Variants in MAST1 observed in about 807,000 individuals in gnomAD.
MAST1 encodes the protein microtubule associated serine/threonine kinase 1.
Under a neutral mutation model 124.6 loss-of-function variants are expected in MAST1, and 40 were observed. The ratio of observed to expected loss-of-function variants is 0.32; its 90% CI spans 0.25 to 0.42. The LOEUF (loss-of-function observed/expected upper bound fraction) is 0.42, where lower values mean the gene tolerates loss of function less well. Ranked by LOEUF, MAST1 falls within the 10% of genes least tolerant of loss-of-function variation. The pLI, the probability that MAST1 is intolerant of heterozygous loss-of-function variation, is 1.00. For synonymous variants in MAST1, 938 were observed against 939.4 expected (o/e 1.00, Z 0.03); for missense variants, 1,558 against 2,181.9 (o/e 0.71, Z 5.70).
chr19:12,871,092 T>C lies in MAST1; in HGVS notation c.3183T>C (p.Ile1061=), dbSNP rs1239158820. 1 of 1,613,984 alleles carries C rather than the reference T, an allele frequency of 6.2e-7. No individual in the cohort carries two copies. Among genetic ancestry groups the C allele is most frequent in the African/African-American group, 1.3e-5 (1 of 74,910 alleles). The change falls in exon 24 of 26, where the codon ATT becomes ATC. Residue 1061 remains isoleucine, a synonymous_variant. Coordinates refer to ENST00000251472, the MANE Select transcript of MAST1 (RefSeq NM_014975.3). Reference sequence around the variant, plus strand: ...CCTTCGAAAATACCTCTATCCGCATTGGTCCCGCAAGGCGCAGCAGCTACA... The same window carrying C: ...CCTTCGAAAATACCTCTATCCGCATCGGTCCCGCAAGGCGCAGCAGCTACA... ...TTPFENTSIR[I]GPARRSSYKA...
In MAST1 at chr19:12,868,793, G is replaced by A. The variant is rs1431982580; in HGVS notation, c.2717G>A (p.Gly906Glu). The A allele has an allele frequency of 5.0e-6, 8 of 1,607,178 alleles. No individual in the cohort carries two copies. Among genetic ancestry groups the A allele is most frequent in the Non-Finnish European group, 6.8e-6 (8 of 1,175,906 alleles). Reference sequence around the variant, plus strand: ...GTAGAGAAGAGGCCTTCTCGAACTGGGGGCAAAGTCATCAAATCAGCCTCA... The same window carrying A: ...GTAGAGAAGAGGCCTTCTCGAACTGAGGGCAAAGTCATCAAATCAGCCTCA... ...VAVEKRPSRT[G>E]GKVIKSASAT... is the part of the protein sequence containing the mutation. Residue 906 changes from glycine to glutamate, a missense_variant, in exon 21 of 26, where the codon GGG becomes GAG. Coordinates refer to ENST00000251472, the MANE Select transcript of MAST1 (RefSeq NM_014975.3).
chr19:12,871,152 C>T lies in MAST1; in HGVS notation c.3243C>T (p.Ser1081=), dbSNP rs756674666. The change falls in exon 24 of 26, where the codon TCC becomes TCT. Residue 1081 remains serine, a synonymous_variant. Transcript: ENST00000251472. ...AKMARRNKRP[S]AKEGQESKKR... is the part of the protein sequence containing the mutation. ...TGGCTCGGAGGAACAAGCGACCCTC[C>T]GCCAAGGAGGGCCAGGAGAGGTGGG... 70 of 1,614,042 alleles carry T rather than the reference C, an allele frequency of 4.3e-5. No homozygotes were observed. Among genetic ancestry groups the T allele is most frequent in the African/African-American group, 1.2e-4 (9 of 74,918 alleles).
intron 3 of MAST1, among the ~76,000 whole-genome samples, chr19:12,842,737 ATG>A (rs1283278255): frequency 2.0e-5 from 3 of 152,056 alleles, no homozygotes; most frequent in African/African-American, 7.2e-5. Flanking sequence ...GCAAGTTTCA[ATG>A]TGTGGTAGTG....
chr19:12,839,894 C>T (rs549900963), intron 1 of MAST1, among the ~76,000 whole-genome samples: 3 of 152,056 alleles, frequency 2.0e-5, no homozygotes, highest in African/African-American at 7.2e-5. Flanking sequence ...GGCGACAGAG[C>T]GAGACATTGA....
At chr19:12,863,425 C>G (rs1970110714) in intron 12 of MAST1, among the ~76,000 whole-genome samples, 1 of 151,964 alleles carries the variant, frequency 6.6e-6, no homozygotes, top group African/African-American at 2.4e-5. Flanking sequence ...GAAAAGAGAA[C>G]AGAAAAAAGA....
Position 12,867,649 on chromosome 19 carries a change from A to G in MAST1, c.2315A>G (p.Glu772Gly). 1 of 1,590,052 alleles carries G rather than the reference A, an allele frequency of 6.3e-7. No homozygotes were observed. Among genetic ancestry groups the G allele is most frequent in the Non-Finnish European group, 8.6e-7 (1 of 1,168,972 alleles). ...REKTWRGGSP[E>G]IKRFSASEAS... ...AAGACCTGGAGAGGGGGCTCTCCGG[A>G]GATGTGAGCAGGGGAATGGCGGAGT... is the stretch of plus-strand genomic sequence containing the variant. The change falls in exon 19 of 26, where the codon GAG becomes GGG. Residue 772 changes from glutamate to glycine, a missense_variant. Physicochemically the swap from Glu to Gly is moderately conservative, Grantham distance 98 (BLOSUM62 -2). This residue lies in a region of MAST1 where 287 missense variants were observed against 308.0 expected (regional missense o/e 0.93). Transcript: ENST00000251472.
In MAST1 at chr19:12,874,220, G is replaced by A. The variant is rs372234355; in HGVS notation, c.4063G>A (p.Val1355Met). 4 of 1,547,442 alleles carry A rather than the reference G, an allele frequency of 2.6e-6. No homozygotes were observed. In the South Asian group the frequency reaches 4.7e-5, roughly 18 times the overall value. ...GCCCGAGGGTGCCTCCAGGCCACCA[G>A]TGTCGAGCAAGGAGAAGGAATCCCC... ...LLPEGASRPP[V>M]SSKEKESPGG... is the part of the protein sequence containing the mutation. The change falls in exon 26 of 26, where the codon GTG becomes ATG. Residue 1355 changes from valine (V) to methionine (M), a missense_variant. Physicochemically the swap from Val to Met is conservative, Grantham distance 21. Coordinates refer to ENST00000251472, the MANE Select transcript of MAST1 (RefSeq NM_014975.3). This position sits in a 1 kb window ranked among gnomAD's most constrained non-coding sequence, Gnocchi z 6.6.
intron 7 of MAST1, among the ~76,000 whole-genome samples, chr19:12,849,918 C>T (rs1330470575): frequency 6.6e-6 from 1 of 152,026 alleles, no homozygotes; most frequent in East Asian, 1.9e-4. Flanking sequence ...CTGCCTCAGC[C>T]TCCCGAGTAG....
At position 12,866,644 on chromosome 19, in the gene MAST1, G is replaced by A. The variant is rs368789259; in HGVS notation, c.2030-9G>A. ...GTACCCTCAGTCACAGCCCATACCC[G>A]CTCCCCAGCCCGCTCAGACAGGTAT... On this transcript the variant is annotated splice_polypyrimidine_tract_variant and intron_variant, in intron 17 of 25. Transcript: ENST00000251472. The surrounding 1 kb of genome is among the most constrained non-coding windows in gnomAD (Gnocchi z 5.2). 5.6e-6 allele frequency: 9 copies of A among 1,601,440 alleles called. No homozygotes were observed. The highest frequency in any genetic ancestry group is 7.7e-6 in the Non-Finnish European group (9 of 1,169,740).
intron 20 of MAST1, among the ~76,000 whole-genome samples, chr19:12,868,373 T>C (rs1970189507): frequency 6.6e-6 from 1 of 152,078 alleles, no homozygotes; most frequent in Non-Finnish European, 1.5e-5. Flanking sequence ...CCTACCAAAG[T>C]GCTGGGGTTA....
intron 4 of MAST1, among the ~76,000 whole-genome samples, chr19:12,845,455 G>C (rs1267079793): frequency 2.1e-5 from 3 of 142,188 alleles, no homozygotes; most frequent in Admixed American, 7.0e-5. Flanking sequence ...GTGATGGCTT[G>C]TGCCTGAAGT....
In MAST1 at chr19:12,871,132, C is replaced by G; in HGVS notation, c.3223C>G (p.Arg1075Gly). 6 of 1,614,122 alleles carry G rather than the reference C, an allele frequency of 3.7e-6. No individual in the cohort carries two copies. The highest frequency in any genetic ancestry group is 5.1e-6 in the Non-Finnish European group (6 of 1,180,020). Residue 1075 changes from arginine (R) to glycine (G), a missense_variant, in exon 24 of 26, where the codon CGG (arginine) becomes GGG (glycine). Transcript: ENST00000251472. The part of the protein sequence containing the change: ...RRSSYKAKMA[R>G]RNKRPSAKEG... The stretch of plus-strand genomic sequence containing the variant: ...CAGCAGCTACAAGGCTAAAATGGCT[C>G]GGAGGAACAAGCGACCCTCCGCCAA...
intron 12 of MAST1, among the ~76,000 whole-genome samples, chr19:12,862,644 G>GA (rs1970098250): frequency 6.8e-6 from 1 of 147,098 alleles, no homozygotes; most frequent in Admixed American, 6.8e-5. Context: ...TGTTGTTGTT[G>GA]TTTTTTTCTT....
intron 12 of MAST1, among the ~76,000 whole-genome samples, chr19:12,859,909 C>T (rs1361606842): frequency 6.6e-6 from 1 of 150,710 alleles, no homozygotes; most frequent in Non-Finnish European, 1.5e-5. Flanking sequence ...CCTGTATTGC[C>T]CAAGTTAGTC....
Position 12,843,740 on chromosome 19 carries a change from C to A in MAST1, c.327+133C>A. 1 of 712,160 alleles carries A rather than the reference C, an allele frequency of 1.4e-6. No individual in the cohort carries two copies. The allele number at this position is 712,160 out of a possible 1,614,324, so 44.1% of individuals were successfully genotyped here. A position where few individuals can be genotyped will look rare whatever the true frequency, so the allele number is the denominator to read the frequency against. ...TTAGGGCCAGGCTCAGTGACTCAAGCCTGTAATCCCAGTACTTTGGGAGGC... is the reference window on the plus strand; with the variant it reads ...TTAGGGCCAGGCTCAGTGACTCAAGACTGTAATCCCAGTACTTTGGGAGGC... On this transcript the variant is annotated intron_variant, in intron 4 of 25. Transcript: ENST00000251472. The surrounding 1 kb of genome is among the most constrained non-coding windows in gnomAD (Gnocchi z 4.9).
In MAST1 at chr19:12,873,693, C is replaced by T; in HGVS notation, c.3536C>T (p.Thr1179Met). 1 of 1,601,912 alleles carries T rather than the reference C, an allele frequency of 6.2e-7. No homozygotes were observed. Residue 1179 changes from threonine to methionine, a missense_variant, in exon 26 of 26, where the codon ACG becomes ATG. Transcript: ENST00000251472. ...GCGTCGCACCACATTCGGCCCAGCA[C>T]GCTGCACGGACTGTCGCCAAAGCTC... is the stretch of plus-strand genomic sequence containing the variant. Reference protein sequence around the residue: ...SSASHHIRPSTLHGLSPKLHR... With the variant: ...SSASHHIRPSMLHGLSPKLHR...
Position 12,858,453 on chromosome 19 carries a change from G to A in MAST1, c.1157+12G>A, listed in dbSNP as rs1970042407. ...AACGGTGCCTACGGGTGAGCCACCC[G>A]GGGCTCTGGCGGGGGGAGGGTGGCG... On this transcript the variant is annotated intron_variant, in intron 11 of 25. Coordinates refer to ENST00000251472, the MANE Select transcript of MAST1 (RefSeq NM_014975.3). 2.5e-6 allele frequency: 4 copies of A among 1,613,284 alleles called. No individual in the cohort carries two copies. Among genetic ancestry groups the A allele is most frequent in the East Asian group, 2.2e-5 (1 of 44,854 alleles).
In MAST1 at chr19:12,841,261, A is replaced by G. The variant is rs1330862913; in HGVS notation, c.248+195A>G. The stretch of plus-strand genomic sequence containing the variant: ...ATAAGAAGGCGGGGTCCAATCGCCG[A>G]TCTGGAACGGGGAAGGCGGTGGGGC... On this transcript the variant is annotated intron_variant, in intron 3 of 25. Coordinates refer to ENST00000251472, the MANE Select transcript of MAST1 (RefSeq NM_014975.3). The surrounding 1 kb of genome is among the most constrained non-coding windows in gnomAD (Gnocchi z 4.3). Among the ~76,000 whole-genome samples the G allele has an allele frequency of 6.6e-6, 1 of 152,236 alleles. No individual in the cohort carries two copies. The highest frequency in any genetic ancestry group is 1.5e-5 in the Non-Finnish European group (1 of 68,032).
intron 4 of MAST1, among the ~76,000 whole-genome samples, chr19:12,846,541 G>A (rs1302128951): frequency 6.6e-6 from 1 of 151,944 alleles, no homozygotes; most frequent in East Asian, 1.9e-4. Context: ...TAATGCAAAG[G>A]CCCTGAGGAA....
Sources: allele counts gnomAD v4.1 joint callset (sites outside exome capture counted in the v4.1 genomes callset), GRCh38; gene constraint gnomAD v4.1.1; regional missense constraint gnomAD v4.1.1; non-coding constraint Gnocchi (gnomAD v3.1); transcripts MANE v1.5; gene names NCBI Gene and HGNC (gene_info 2026-07-23, HGNC 2026-07-21).